Variants in C10orf67 observed in about 807,000 individuals in gnomAD.
C10orf67 encodes the protein uncharacterized protein C10orf67, mitochondrial.
In C10orf67, 60 loss-of-function variants were observed where a neutral mutation model predicts 35.6. The ratio of observed to expected loss-of-function variants is 1.68; its 90% CI spans 1.37 to 2.09. The LOEUF is 2.09. Among genes scored for constraint, C10orf67 ranks in the 30% most tolerant of loss-of-function variants. The pLI, the probability that C10orf67 is intolerant of heterozygous loss-of-function variation, is 0.00. For synonymous variants in C10orf67, 167 were observed against 115.8 expected (o/e 1.44, Z -2.84); for missense variants, 474 against 330.2 (o/e 1.44, Z -3.38).
At chr10:23,268,853 T>A (rs1169128594) in intron 8 of C10orf67, among the ~76,000 whole-genome samples, 1 of 152,244 alleles carries the variant, frequency 6.6e-6, no homozygotes, top group Non-Finnish European at 1.5e-5. Context: ...GTACTGAATA[T>A]TGTAGGCAAC....
chr10:23,303,534 A>C (rs1844168979), intron 4 of C10orf67, 75 bp from the exon 5 acceptor site: 1 of 420,562 alleles, frequency 2.4e-6, no homozygotes, highest in Middle Eastern at 3.1e-4. Context: ...TAAATTAGAC[A>C]CTCAGCATTA....
At chr10:23,236,776 C>A (rs968950710) in intron 13 of C10orf67, among the ~76,000 whole-genome samples, 1 of 152,068 alleles carries the variant, frequency 6.6e-6, no homozygotes, top group African/African-American at 2.4e-5. Flanking sequence ...ACTCAGGAGG[C>A]TGAGGCAGGA....
At chr10:23,258,291 T>A (rs1312937426) in intron 10 of C10orf67, 1 of 162,796 alleles carries the variant, frequency 6.1e-6, no homozygotes, top group Non-Finnish European at 1.4e-5. Flanking sequence ...GCACAGACAG[T>A]GGCTACACTC....
At chr10:23,226,332 G>A (rs540122925) in intron 13 of C10orf67, among the ~76,000 whole-genome samples, 74 of 150,496 alleles carry the variant, frequency 4.9e-4, no homozygotes, top group South Asian at 2.7e-3. Flanking sequence ...CCTGCTCCTG[G>A]ATGACTACTG....
chr10:23,289,702 G>C (rs987969682), intron 7 of C10orf67, among the ~76,000 whole-genome samples, 198 bp downstream of exon 7: 2 of 152,190 alleles, frequency 1.3e-5, no homozygotes. Flanking sequence ...AACAAAAGAA[G>C]TATCTATACA....
intron 7 of C10orf67, among the ~76,000 whole-genome samples, chr10:23,285,648 T>C (rs1305183268): frequency 6.6e-6 from 1 of 152,144 alleles, no homozygotes; most frequent in African/African-American, 2.4e-5. Flanking sequence ...CACATCTCAA[T>C]TGGGGAGCTA....
At chr10:23,321,025 T>C (rs573730734) in intron 3 of C10orf67, among the ~76,000 whole-genome samples, 129 of 152,250 alleles carry the variant, frequency 8.5e-4, no homozygotes, top group Non-Finnish European at 1.6e-3. Context: ...AGAGATCATA[T>C]AGATAAAATA....
At chr10:23,254,257 G>T (rs1842540598) in intron 10 of C10orf67, among the ~76,000 whole-genome samples, 1 of 152,154 alleles carries the variant, frequency 6.6e-6, no homozygotes, top group South Asian at 2.1e-4. Flanking sequence ...GCCCAGGCTG[G>T]AGTGCAATGG....
At chr10:23,213,200 A>G (rs1841355020) in intron 15 of C10orf67, among the ~76,000 whole-genome samples, 1 of 152,244 alleles carries the variant, frequency 6.6e-6, no homozygotes, top group Non-Finnish European at 1.5e-5. Context: ...ATTCACCCAT[A>G]TACACAACAA....
At chr10:23,224,642 C>G (rs986349838) in intron 13 of C10orf67, among the ~76,000 whole-genome samples, 1 of 152,068 alleles carries the variant, frequency 6.6e-6, no homozygotes, top group Non-Finnish European at 1.5e-5. Flanking sequence ...AAAGATGAGA[C>G]GAATGGCTAA....
Position 23,303,370 on chromosome 10 carries a change from T to C in C10orf67, c.636A>G (p.Lys212=), listed in dbSNP as rs1844158892. 3 of 649,772 alleles carry C rather than the reference T, an allele frequency of 4.6e-6. No individual in the cohort carries two copies. Among genetic ancestry groups the C allele is most frequent in the Non-Finnish European group, 8.4e-6 (3 of 358,302 alleles). The allele number at this position is 649,772 out of a possible 1,614,324, so 40.3% of individuals were successfully genotyped here. The part of the protein sequence containing the change: ...TNILLRKLKE[K]EEVIKELKEE... ...CTTTTAATTCTTTAATAACTTCTTC[T>C]TTCTCTTTCAGTTTTCTTAACAAAA... Residue 212 remains lysine, a synonymous_variant, in exon 5 of 16, where the codon AAA becomes AAG. Coordinates refer to ENST00000636213, the MANE Select transcript of C10orf67 (RefSeq NM_001371909.1).
chr10:23,267,525 T>C (rs937055890), intron 8 of C10orf67, among the ~76,000 whole-genome samples: 5 of 152,174 alleles, frequency 3.3e-5, no homozygotes, highest in African/African-American at 1.2e-4. Flanking sequence ...ACAAAGATCA[T>C]AGGAAAACAT....
In C10orf67 at chr10:23,203,309, C is replaced by A. The variant is rs1285640147; in HGVS notation, c.*864G>T. ...AGAACACGTCTCTCTCCAATTAAATCTTGTTCCTTTTACGCACAAATAAAT... is the reference window on the plus strand; with the variant it reads ...AGAACACGTCTCTCTCCAATTAAATATTGTTCCTTTTACGCACAAATAAAT... On this transcript the variant is annotated 3_prime_UTR_variant, in exon 16 of 16. Coordinates refer to ENST00000636213, the MANE Select transcript of C10orf67 (RefSeq NM_001371909.1). The A allele has an allele frequency of 1.3e-5, 2 of 152,260 alleles. No homozygotes were observed. Among genetic ancestry groups the A allele is most frequent in the African/African-American group, 4.8e-5 (2 of 41,468 alleles). 9.4% of individuals were successfully genotyped at this position (152,260 alleles called of 1,614,324 possible).
rs939408483 is a variant in C10orf67, at chr10:23,223,788, T to C, written c.1465A>G (p.Thr489Ala). Residue 489 changes from threonine to alanine, a missense_variant, in exon 14 of 16, where the codon ACG becomes GCG. Physicochemically the swap from Thr to Ala is moderately conservative, Grantham distance 58 (BLOSUM62 0). Coordinates refer to ENST00000636213, the MANE Select transcript of C10orf67 (RefSeq NM_001371909.1). The part of the protein sequence containing the change: ...KVKPLLVQSR[T>A]TMTAISSSSH... ...GAAGAGGATATAGCTGTCATGGTCG[T>C]TCTAGACTGCACTAATAAGGGTTTT... 9.8e-6 allele frequency: 7 copies of C among 715,290 alleles called. No homozygotes were observed. In the East Asian group the frequency reaches 1.6e-4, roughly 16 times the overall value. 44.3% of individuals were successfully genotyped at this position (715,290 alleles called of 1,614,324 possible).
At chr10:23,324,387 T>G (rs1011703694) in intron 2 of C10orf67, among the ~76,000 whole-genome samples, 4 of 152,056 alleles carry the variant, frequency 2.6e-5, no homozygotes, top group Admixed American at 6.6e-5. Context: ...CCTTTGTTCT[T>G]CCAGATAACT....
intron 2 of C10orf67, among the ~76,000 whole-genome samples, chr10:23,328,910 A>G (rs1342996949): frequency 6.7e-6 from 1 of 148,346 alleles, no homozygotes; most frequent in African/African-American, 2.5e-5. Flanking sequence ...ACTTGAGCCC[A>G]GGAGGTCAAG....
intron 12 of C10orf67, among the ~76,000 whole-genome samples, chr10:23,246,638 C>T (rs1459384016): frequency 6.6e-6 from 1 of 152,158 alleles, no homozygotes; most frequent in East Asian, 1.9e-4. Flanking sequence ...CAATGGTGGT[C>T]CCATAAGATT....
At chr10:23,265,275 G>A (rs1239514019) in intron 10 of C10orf67, among the ~76,000 whole-genome samples, 1 of 152,222 alleles carries the variant, frequency 6.6e-6, no homozygotes, top group African/African-American at 2.4e-5. Context: ...GAGTGGGCAC[G>A]AGAGGTCTGC....
chr10:23,203,061 C>A lies in C10orf67; in HGVS notation c.*1112G>T, dbSNP rs1201368500. 6.6e-6 allele frequency: 1 copy of A among 152,206 alleles called. No homozygotes were observed. The highest frequency in any genetic ancestry group is 6.5e-5 in the Admixed American group (1 of 15,288). The allele number at this position is 152,206 out of a possible 1,614,324, so 9.4% of individuals were successfully genotyped here. On this transcript the variant is annotated 3_prime_UTR_variant, in exon 16 of 16. Transcript: ENST00000636213. ...ATTCATTTCTAAAGGAGAAAAATTC[C>A]TTTCTTTAGCCAAACTGATGGGAGG...
Sources: gnomAD v4.1 joint callset for allele counts (sites outside exome capture counted in the v4.1 genomes callset) on GRCh38, gnomAD v4.1.1 for gene constraint, MANE v1.5 for transcripts, NCBI Gene and HGNC (gene_info 2026-07-23, HGNC 2026-07-21) for gene names.